The following ADAMTS17 variants were observed in gnomAD, a reference collection of about 807,000 sequenced individuals.
ADAMTS17 encodes ADAM metallopeptidase with thrombospondin type 1 motif 17.
A neutral mutation model predicts 141.5 loss-of-function variants in ADAMTS17; 113 were observed. The ratio of observed to expected loss-of-function variants is 0.80; its 90% CI spans 0.69 to 0.93. ADAMTS17 has a LOEUF of 0.93. Ranked by LOEUF, ADAMTS17 falls within the 40% of genes least tolerant of loss-of-function variation. ADAMTS17 has a pLI of 0.00. For missense variants in ADAMTS17, 1,659 were observed against 1,517.9 expected (o/e 1.09, Z -1.54); for synonymous variants, 768 against 630.6 (o/e 1.22, Z -3.27).
At chr15:100,019,215 C>G (rs747175820) in intron 18 of ADAMTS17, among the ~76,000 whole-genome samples, 17 of 152,284 alleles carry the variant, frequency 1.1e-4, no homozygotes, top group Non-Finnish European at 1.8e-4. Flanking sequence ...AAACAATACT[C>G]TCTTCTGTTT....
chr15:100,068,619 G>A (rs1449054806), intron 15 of ADAMTS17, among the ~76,000 whole-genome samples: 2 of 152,220 alleles, frequency 1.3e-5, no homozygotes, highest in African/African-American at 4.8e-5. Context: ...TGCAGCCTCT[G>A]CTGCTGATAC....
chr15:100,323,993 A>G (rs2045817270), intron 3 of ADAMTS17, among the ~76,000 whole-genome samples: 1 of 151,178 alleles, frequency 6.6e-6, no homozygotes, highest in African/African-American at 2.4e-5. Flanking sequence ...GGAGAACGCC[A>G]TCAGTCACAT....
chr15:99,986,079 C>T (rs1025412116), intron 20 of ADAMTS17, among the ~76,000 whole-genome samples: 3 of 152,256 alleles, frequency 2.0e-5, no homozygotes, highest in Non-Finnish European at 4.4e-5. Flanking sequence ...CCAGAAATGC[C>T]GGCTGAACTG....
chr15:100,110,465 C>T (rs1028680187), intron 13 of ADAMTS17, among the ~76,000 whole-genome samples: 9 of 151,782 alleles, frequency 5.9e-5, no homozygotes, highest in Admixed American at 3.9e-4. Flanking sequence ...ACCGTTTCAC[C>T]GTGTTAGCCA....
Position 100,016,871 on chromosome 15 carries a change from A to C in ADAMTS17, c.2592-19282T>G, listed in dbSNP as rs552539190. Among the ~76,000 whole-genome samples, 17 of 152,288 alleles carry C rather than the reference A, an allele frequency of 1.1e-4. No individual in the cohort carries two copies. In the South Asian group the frequency reaches 3.1e-3, roughly 28 times the overall value. On this transcript the variant is annotated intron_variant, in intron 18 of 21. Transcript: ENST00000268070. ...TGCCAGGAGGTGATGCTTTCCAGAGAGCACCAGCTATGGTAGTATGGAGAG... is the reference window on the plus strand; with the variant it reads ...TGCCAGGAGGTGATGCTTTCCAGAGCGCACCAGCTATGGTAGTATGGAGAG...
At chr15:100,052,807 G>C (rs908900455) in intron 16 of ADAMTS17, among the ~76,000 whole-genome samples, 2 of 152,156 alleles carry the variant, frequency 1.3e-5, no homozygotes, top group African/African-American at 4.8e-5. Flanking sequence ...TGGACTTAGC[G>C]GGCTGAGAGG....
chr15:100,282,258 A>G (rs1048936998), intron 3 of ADAMTS17, among the ~76,000 whole-genome samples: 1 of 152,218 alleles, frequency 6.6e-6, no homozygotes, highest in East Asian at 1.9e-4. Context: ...GCACTAGCCT[A>G]TATGGACACA....
At position 100,217,869 on chromosome 15, in the gene ADAMTS17, G is replaced by A. The variant is rs556873724; in HGVS notation, c.1076-18446C>T. Among the ~76,000 whole-genome samples the A allele has an allele frequency of 9.9e-5, 15 of 152,176 alleles. No individual in the cohort carries two copies. In the South Asian group the frequency reaches 3.1e-3, roughly 32 times the overall value. The stretch of plus-strand genomic sequence containing the variant: ...ATATATTTCAAAACAGCTAAAAGAG[G>A]AAGGAAAAAAGGAATGACTGAATGA... On this transcript the variant is annotated intron_variant, in intron 7 of 21. Coordinates refer to ENST00000268070, the MANE Select transcript of ADAMTS17 (RefSeq NM_139057.4).
intron 4 of ADAMTS17, among the ~76,000 whole-genome samples, chr15:100,275,012 A>AT (rs1186306394): frequency 2.0e-5 from 3 of 152,240 alleles, no homozygotes; most frequent in Admixed American, 2.0e-4. Context: ...GCAAATAAAT[A>AT]TGGAATTGTA....
chr15:100,106,292 A>C (rs2036411285), intron 14 of ADAMTS17, among the ~76,000 whole-genome samples: 1 of 152,172 alleles, frequency 6.6e-6, no homozygotes, highest in African/African-American at 2.4e-5. Context: ...GTTGAGAAAT[A>C]AGTCTGTTGC....
chr15:100,250,833 T>A (rs185197125), intron 7 of ADAMTS17, among the ~76,000 whole-genome samples: 2 of 152,246 alleles, frequency 1.3e-5, no homozygotes, highest in African/African-American at 4.8e-5. Context: ...GGGTGATAGG[T>A]ACAACAGACC....
In ADAMTS17 at chr15:100,053,894, T is replaced by C. The variant is rs768846896; in HGVS notation, c.2295+3A>G. 4.3e-5 allele frequency: 69 copies of C among 1,614,138 alleles called. No individual in the cohort carries two copies. The highest frequency in any genetic ancestry group is 5.8e-5 in the Non-Finnish European group (68 of 1,180,014). ...AGACAAGTGTGGAAGCCCAGCAAGT[T>C]ACCATCAAGTGCAGCGGTAGTTTGG... On this transcript the variant is annotated splice_donor_region_variant and intron_variant, in intron 16 of 21. Transcript: ENST00000268070.
intron 8 of ADAMTS17, among the ~76,000 whole-genome samples, chr15:100,188,810 G>A (rs2040815890): frequency 6.6e-6 from 1 of 152,172 alleles, no homozygotes; most frequent in African/African-American, 2.4e-5. Context: ...TTCTAGCACT[G>A]CACAGGCAGC....
Position 100,085,629 on chromosome 15 carries a change from C to T in ADAMTS17, c.2137+10727G>A, listed in dbSNP as rs2035050076. On this transcript the variant is annotated intron_variant, in intron 15 of 21. Transcript: ENST00000268070. Reference sequence around the variant, plus strand: ...TTACCCACAAAGGCAAGCCCATCATCAGACGAAGAGCTGATCTCTCGGCAG... The same window carrying T: ...TTACCCACAAAGGCAAGCCCATCATTAGACGAAGAGCTGATCTCTCGGCAG... Among the ~76,000 whole-genome samples the T allele has an allele frequency of 2.6e-5, 4 of 151,968 alleles. No homozygotes were observed. In the South Asian group the frequency reaches 6.2e-4, roughly 24 times the overall value.
chr15:100,061,838 A>C (rs1437392452), intron 15 of ADAMTS17, among the ~76,000 whole-genome samples: 1 of 152,146 alleles, frequency 6.6e-6, no homozygotes, highest in Non-Finnish European at 1.5e-5. Context: ...GCGAATTTTG[A>C]ATTAGGATGA....
chr15:100,079,212 G>T (rs564368785), intron 15 of ADAMTS17, among the ~76,000 whole-genome samples: 1 of 152,126 alleles, frequency 6.6e-6, no homozygotes, highest in South Asian at 2.1e-4. Context: ...TATACACAAG[G>T]GAAATGAAAA....
intron 7 of ADAMTS17, among the ~76,000 whole-genome samples, chr15:100,253,713 A>AC (rs1022012507): frequency 3.9e-5 from 6 of 152,220 alleles, no homozygotes; most frequent in African/African-American, 1.4e-4. Context: ...GTCACACTTC[A>AC]CCCCTTAGGG....
intron 15 of ADAMTS17, among the ~76,000 whole-genome samples, chr15:100,068,186 G>A (rs1322971146): frequency 1.3e-5 from 2 of 152,130 alleles, no homozygotes; most frequent in Non-Finnish European, 2.9e-5. Flanking sequence ...AAACTGCAAG[G>A]CGGCAGTGAG....
At chr15:100,189,984 G>GCTGACC (rs1328876935) in intron 8 of ADAMTS17, among the ~76,000 whole-genome samples, 9 of 152,122 alleles carry the variant, frequency 5.9e-5, no homozygotes, top group African/African-American at 2.2e-4. Flanking sequence ...TCAGTTCAAC[G>GCTGACC]CTGACCAGCC....
Sources: gnomAD v4.1 joint callset for allele counts (sites outside exome capture counted in the v4.1 genomes callset) on GRCh38, gnomAD v4.1.1 for gene constraint, MANE v1.5 for transcripts, NCBI Gene and HGNC (gene_info 2026-07-23, HGNC 2026-07-21) for gene names.